FRMPD3: variants seen among roughly 807,000 people sequenced by gnomAD.
FRMPD3 encodes the protein FERM and PDZ domain containing 3, also known as FERM and PDZ domain-containing protein 3.
FRMPD3 carries 42 observed loss-of-function variants against 97.9 expected under a neutral mutation model. That is an observed-to-expected ratio of 0.43 (90% CI 0.34 to 0.55). The LOEUF is 0.55. Among genes scored for constraint, FRMPD3 ranks in the 20% least tolerant of loss-of-function variants. The probability of loss-of-function intolerance (pLI) is 0.03; values close to 1 mark genes in which losing one functional copy is unlikely to be tolerated. For synonymous variants in FRMPD3, 577 were observed against 581.1 expected (o/e 0.99, Z 0.10); for missense variants, 1,303 against 1,457.7 (o/e 0.89, Z 1.73).
chrX:107,477,227 G>A (rs1415292739), intron 1 of FRMPD3, among the ~76,000 whole-genome samples: 1 of 112,118 alleles, frequency 8.9e-6, no homozygotes, highest in African/African-American at 3.2e-5. Flanking sequence ...TGCTGGCCTT[G>A]CCCCAGGGAA....
At chrX:107,513,269 C>G (rs1034834366) in intron 1 of FRMPD3, 3 of 111,488 alleles carry the variant, frequency 2.7e-5, no homozygotes, top group African/African-American at 9.8e-5. Context: ...CCAGATACCA[C>G]CATGTTTTCC....
intron 4 of FRMPD3, among the ~76,000 whole-genome samples, chrX:107,538,565 AC>A (rs1482944742): frequency 1.3e-4 from 13 of 98,018 alleles, no homozygotes; most frequent in African/African-American, 5.0e-4. Context: ...AAAAAAAAAA[AC>A]CACTGGACCA....
At chrX:107,499,459 T>C (rs1217289028) in intron 1 of FRMPD3, among the ~76,000 whole-genome samples, 1 of 111,920 alleles carries the variant, frequency 8.9e-6, no homozygotes, top group Non-Finnish European at 1.9e-5. Context: ...TCTGTTTCAG[T>C]GGGAAAAAGC....
At chrX:107,533,595 G>A in intron 4 of FRMPD3, 45 bp downstream of exon 4, 1 of 1,126,425 alleles carries the variant, frequency 8.9e-7, no homozygotes. Flanking sequence ...TGACTGAGAA[G>A]AGATGACATT....
rs183198624 is a variant in FRMPD3, at chrX:107,602,107, C to G, written c.4068C>G (p.Ser1356Arg). ...ATGTCCAGCGCATTCGTTCTACCAG[C>G]CTGGAGTCCCGAGAGTGCCGATCGG... is the stretch of plus-strand genomic sequence containing the variant. ...PINVQRIRST[S>R]LESRECRSDP... The change falls in exon 15 of 15, where the codon AGC becomes AGG. Residue 1356 changes from serine to arginine, a missense_variant. Around this residue, in one of 3 missense-constraint regions of FRMPD3, gnomAD observed 764 missense variants for 820.2 expected, o/e 0.93. Coordinates refer to ENST00000683843, the MANE Select transcript of FRMPD3 (RefSeq NM_001388459.1). The G allele has an allele frequency of 7.5e-4, 908 of 1,208,046 alleles. 1 individual carries two copies. The highest frequency in any genetic ancestry group is 3.8e-3 in the South Asian group (213 of 56,356).
Position 107,600,599 on chromosome X carries a change from C to T in FRMPD3, c.2560C>T (p.Pro854Ser), listed in dbSNP as rs185843306. 1.7e-6 allele frequency: 2 copies of T among 1,210,240 alleles called. No homozygotes were observed. The highest frequency in any genetic ancestry group is 2.2e-5 in the Admixed American group (1 of 46,022). The part of the protein sequence containing the change: ...PIATGQSPGP[P>S]GARRKLPQSE... Reference sequence around the variant, plus strand: ...TGCCACAGGCCAGAGTCCTGGCCCCCCTGGCGCTCGGAGGAAGCTGCCCCA... The same window carrying T: ...TGCCACAGGCCAGAGTCCTGGCCCCTCTGGCGCTCGGAGGAAGCTGCCCCA... Residue 854 changes from proline to serine, a missense_variant, in exon 15 of 15, where the codon CCT becomes TCT. By Grantham distance (74) the Pro-to-Ser change is moderately conservative. Coordinates refer to ENST00000683843, the MANE Select transcript of FRMPD3 (RefSeq NM_001388459.1).
In FRMPD3 at chrX:107,521,488, A is replaced by G. The variant is rs746558212; in HGVS notation, c.-7-5094A>G. 2.7e-5 allele frequency among the ~76,000 whole-genome samples: 3 copies of G among 112,769 alleles called. No homozygotes were observed. In the South Asian group the frequency reaches 1.1e-3, roughly 41 times the overall value. On this transcript the variant is annotated intron_variant, in intron 1 of 14. Transcript: ENST00000683843. ...TGTACTTTAAAGTTTGAGCAACACT[A>G]CTAGAATAAGGAGCAGCTAGCCAAA...
intron 1 of FRMPD3, among the ~76,000 whole-genome samples, chrX:107,476,738 G>A (rs151161475): frequency 0.011 from 1,276 of 112,527 alleles, 23 homozygotes; most frequent in African/African-American, 0.039. Context: ...ATTCTCTTGC[G>A]ATTGCCAGAG....
chrX:107,538,635 T>C (rs1422530508), intron 4 of FRMPD3, among the ~76,000 whole-genome samples: 1 of 108,480 alleles, frequency 9.2e-6, no homozygotes, highest in African/African-American at 3.3e-5. Context: ...GATAATGGCC[T>C]AATACCTACT....
intron 13 of FRMPD3, among the ~76,000 whole-genome samples, chrX:107,581,322 G>T (rs1443177500): frequency 9.1e-6 from 1 of 110,234 alleles, no homozygotes; most frequent in Non-Finnish European, 1.9e-5. Flanking sequence ...TGTTGGCCAG[G>T]CTGGTCTCAA....
chrX:107,589,612 C>A (rs1923811015), intron 13 of FRMPD3, among the ~76,000 whole-genome samples: 1 of 111,782 alleles, frequency 8.9e-6, no homozygotes, highest in Admixed American at 9.5e-5. Context: ...GCTTATGGTT[C>A]TTTTCCATGG....
chrX:107,461,304 G>A (rs1019794264), intron 1 of FRMPD3, among the ~76,000 whole-genome samples: 1 of 111,073 alleles, frequency 9.0e-6, no homozygotes, highest in Non-Finnish European at 1.9e-5. Context: ...TACCCTCCAC[G>A]CTGAAAGCTC....
chrX:107,476,737 C>T lies in FRMPD3; in HGVS notation c.-8+26732C>T, dbSNP rs142120689. ...GAATGCAGAGTTTCCAATTCTCTTG[C>T]GATTGCCAGAGTTATATGCAGAATC... On this transcript the variant is annotated intron_variant, in intron 1 of 14. Transcript: ENST00000683843. Among the ~76,000 whole-genome samples the T allele has an allele frequency of 7.0e-3, 784 of 112,413 alleles. 2 individuals are homozygous for T. Among genetic ancestry groups the T allele is most frequent in the African/African-American group, 0.019 (596 of 30,941 alleles).
chrX:107,491,528 C>G (rs773245889), intron 1 of FRMPD3, among the ~76,000 whole-genome samples: 3 of 112,483 alleles, frequency 2.7e-5, no homozygotes, highest in African/African-American at 9.7e-5. Flanking sequence ...TGTCTGACAC[C>G]AGAACCTTCT....
At chrX:107,506,603 T>C (rs1458341124) in intron 1 of FRMPD3, among the ~76,000 whole-genome samples, 1 of 112,382 alleles carries the variant, frequency 8.9e-6, no homozygotes, top group Admixed American at 9.3e-5. Context: ...GGCAGCTGGA[T>C]TGTCTGCATA....
At chrX:107,458,741 A>G (rs774065286) in intron 1 of FRMPD3, among the ~76,000 whole-genome samples, 2 of 111,634 alleles carry the variant, frequency 1.8e-5, no homozygotes, top group South Asian at 3.9e-4. Flanking sequence ...ACAATTATGC[A>G]TAGTGATTCA....
chrX:107,531,626 C>T (rs1922972699), intron 3 of FRMPD3, among the ~76,000 whole-genome samples: 1 of 111,495 alleles, frequency 9.0e-6, no homozygotes. Flanking sequence ...ATGCTCCTTC[C>T]AGCTCAATAC....
At chrX:107,496,424 C>T (rs990408950) in intron 1 of FRMPD3, among the ~76,000 whole-genome samples, 18 of 111,939 alleles carry the variant, frequency 1.6e-4, no homozygotes, top group African/African-American at 5.5e-4. Flanking sequence ...GGAATGACGG[C>T]TCCATGTACA....
At chrX:107,507,631 C>T (rs1922068555) in intron 1 of FRMPD3, among the ~76,000 whole-genome samples, 1 of 112,584 alleles carries the variant, frequency 8.9e-6, no homozygotes, top group South Asian at 3.7e-4. Flanking sequence ...CGAAGCTCCG[C>T]GGGGTGGAGA....
Sources: allele counts gnomAD v4.1 joint callset (sites outside exome capture counted in the v4.1 genomes callset), GRCh38; gene constraint gnomAD v4.1.1; regional missense constraint gnomAD v4.1.1; transcripts MANE v1.5; gene names NCBI Gene and HGNC (gene_info 2026-07-23, HGNC 2026-07-21).